The following MAPK1IP1L variants were observed in gnomAD, a reference collection of about 807,000 sequenced individuals.
MAPK1IP1L encodes MAPK-interacting and spindle-stabilizing protein-like.
MAPK1IP1L carries 10 observed loss-of-function variants against 18.1 expected under a neutral mutation model. That is an observed-to-expected ratio of 0.55 (90% CI 0.34 to 0.94). The LOEUF is 0.94. Among genes scored for constraint, MAPK1IP1L ranks in the 40% least tolerant of loss-of-function variants. The pLI, the probability that MAPK1IP1L is intolerant of heterozygous loss-of-function variation, is 0.02. For missense variants in MAPK1IP1L, 260 were observed against 318.2 expected (o/e 0.82, Z 1.39); for synonymous variants, 115 against 117.3 (o/e 0.98, Z 0.13).
intron 1 of MAPK1IP1L, among the ~76,000 whole-genome samples, chr14:55,053,851 C>G (rs2042749766): frequency 6.6e-6 from 1 of 152,236 alleles, no homozygotes; most frequent in Non-Finnish European, 1.5e-5. Context: ...AAGGCCAACA[C>G]ATTGTTTGGC....
intron 3 of MAPK1IP1L, among the ~76,000 whole-genome samples, chr14:55,064,208 G>A (rs900535736): frequency 6.6e-6 from 1 of 151,098 alleles, no homozygotes; most frequent in African/African-American, 2.4e-5. Context: ...TGGCCAGGCT[G>A]GTCTTGAACT....
At chr14:55,055,687 T>A (rs1179212140) in intron 1 of MAPK1IP1L, among the ~76,000 whole-genome samples, 2 of 152,158 alleles carry the variant, frequency 1.3e-5, no homozygotes, top group East Asian at 3.9e-4. Flanking sequence ...TCCCAGCACT[T>A]TGGGAGACTG....
At chr14:55,059,225 G>GAAAAAAAAA (rs3078612) in intron 1 of MAPK1IP1L, among the ~76,000 whole-genome samples, 109 of 63,234 alleles carry the variant, frequency 1.7e-3, no homozygotes, top group Middle Eastern at 0.01. Flanking sequence ...AGGAAAATCT[G>GAAAAAAAAA]AAAAAAAAAA....
intron 1 of MAPK1IP1L, among the ~76,000 whole-genome samples, chr14:55,057,231 CAG>C (rs768714961): frequency 3.0e-4 from 46 of 152,128 alleles, no homozygotes; most frequent in Admixed American, 1.3e-4. Context: ...AAGTGCAAAA[CAG>C]AAAAGATGCA....
intron 1 of MAPK1IP1L, among the ~76,000 whole-genome samples, chr14:55,054,240 C>T (rs1190362162): frequency 6.8e-6 from 1 of 146,172 alleles, no homozygotes; most frequent in African/African-American, 2.5e-5. Flanking sequence ...CAGGTTCCAG[C>T]GATTCTCCTG....
At position 55,068,278 on chromosome 14, in the gene MAPK1IP1L, T is replaced by G. The variant is rs1256416635; in HGVS notation, c.*3651T>G. The stretch of plus-strand genomic sequence containing the variant: ...TCAGTCCCACCACCACAATGGACTA[T>G]TGGGATATTTTCTAAAAAACCAATC... On this transcript the variant is annotated 3_prime_UTR_variant, in exon 4 of 4. Coordinates refer to ENST00000395468, the MANE Select transcript of MAPK1IP1L (RefSeq NM_144578.4). 1.3e-5 allele frequency: 2 copies of G among 152,638 alleles called. No individual in the cohort carries two copies. Among genetic ancestry groups the G allele is most frequent in the African/African-American group, 4.8e-5 (2 of 41,442 alleles). 9.5% of individuals were successfully genotyped at this position (152,638 alleles called of 1,614,324 possible).
chr14:55,063,380 A>AT, intron 3 of MAPK1IP1L, 55 bp downstream of exon 3: 1 of 1,424,522 alleles, frequency 7.0e-7, no homozygotes, highest in Non-Finnish European at 9.5e-7. Context: ...CACAACTGAC[A>AT]TTGTTTCTCC....
At position 55,067,941 on chromosome 14, in the gene MAPK1IP1L, C is replaced by T. The variant is rs2042877707; in HGVS notation, c.*3314C>T. 6.6e-6 allele frequency: 1 copy of T among 152,040 alleles called. No homozygotes were observed. Among genetic ancestry groups the T allele is most frequent in the Admixed American group, 6.5e-5 (1 of 15,268 alleles). The allele number at this position is 152,040 out of a possible 1,614,324, so 9.4% of individuals were successfully genotyped here. ...AAGCTTAGGTTTTGAAATGTTGAAA[C>T]CAAAAAGACAAAAATTAAAACATAG... On this transcript the variant is annotated 3_prime_UTR_variant, in exon 4 of 4. Transcript: ENST00000395468.
In MAPK1IP1L at chr14:55,064,695, A is replaced by G. The variant is rs1016103119; in HGVS notation, c.*68A>G. 26 of 1,513,082 alleles carry G rather than the reference A, an allele frequency of 1.7e-5. No individual in the cohort carries two copies. The African/African-American group carries it at 3.6e-4, about 21-fold the overall frequency. 93.7% of individuals were successfully genotyped at this position (1,513,082 alleles called of 1,614,324 possible). On this transcript the variant is annotated 3_prime_UTR_variant, in exon 4 of 4. Coordinates refer to ENST00000395468, the MANE Select transcript of MAPK1IP1L (RefSeq NM_144578.4). ...CATGTATATGCACATGAATGCATAT[A>G]TAAAAATTGCTGGTTTCACTATTAG...
Position 55,059,700 on chromosome 14 carries a change from T to C in MAPK1IP1L, c.-4-1980T>C, listed in dbSNP as rs1298627329. Among the ~76,000 whole-genome samples the C allele has an allele frequency of 6.6e-5, 10 of 152,244 alleles. No homozygotes were observed. In the South Asian group the frequency reaches 2.1e-3, roughly 31 times the overall value. ...CTGCTTCTCTCCTTGTCATTAGCTC[T>C]GGGACCTTAAACAAGTTAACTTGCC... is the stretch of plus-strand genomic sequence containing the variant. On this transcript the variant is annotated intron_variant, in intron 1 of 3. Transcript: ENST00000395468.
At chr14:55,053,983 T>C (rs958890483) in intron 1 of MAPK1IP1L, among the ~76,000 whole-genome samples, 1 of 152,114 alleles carries the variant, frequency 6.6e-6, no homozygotes, top group African/African-American at 2.4e-5. Flanking sequence ...ATTACACCAG[T>C]TGAGCATCCA....
Position 55,058,584 on chromosome 14 carries a change from A to C in MAPK1IP1L, c.-4-3096A>C, listed in dbSNP as rs560956926. 2.3e-3 allele frequency among the ~76,000 whole-genome samples: 344 copies of C among 152,314 alleles called. 2 individuals are homozygous for C. Among genetic ancestry groups the C allele is most frequent in the African/African-American group, 7.9e-3 (328 of 41,570 alleles). Reference sequence around the variant, plus strand: ...GGTGGCTCATGCCTGTAATCCCAGCACTTTGGGAGGCTGAGGCGGGCGGAT... The same window carrying C: ...GGTGGCTCATGCCTGTAATCCCAGCCCTTTGGGAGGCTGAGGCGGGCGGAT... On this transcript the variant is annotated intron_variant, in intron 1 of 3. Transcript: ENST00000395468.
Position 55,061,719 on chromosome 14 carries a change from T to C in MAPK1IP1L, c.18+18T>C. Reference sequence around the variant, plus strand: ...AATTTTCGGTAAGTTGATCAGTTTATCTGTGATAAGTTTTTCATCTCTTAA... The same window carrying C: ...AATTTTCGGTAAGTTGATCAGTTTACCTGTGATAAGTTTTTCATCTCTTAA... On this transcript the variant is annotated intron_variant, in intron 2 of 3. Transcript: ENST00000395468. 6.4e-7 allele frequency: 1 copy of C among 1,555,932 alleles called. No homozygotes were observed.
At chr14:55,061,851 TC>T (rs2042820346) in intron 2 of MAPK1IP1L, 150 bp downstream of exon 2, 1 of 595,932 alleles carries the variant, frequency 1.7e-6, no homozygotes, top group East Asian at 3.4e-5. Context: ...CTTGGGAGGA[TC>T]CCTTGACCCC....
chr14:55,056,068 G>C (rs556053145), intron 1 of MAPK1IP1L, among the ~76,000 whole-genome samples: 1 of 152,246 alleles, frequency 6.6e-6, no homozygotes, highest in East Asian at 1.9e-4. Context: ...ATGGAGAGCT[G>C]GTCACTTTAC....
chr14:55,060,896 G>T (rs976121498), intron 1 of MAPK1IP1L: 2 of 152,174 alleles, frequency 1.3e-5, no homozygotes, highest in Non-Finnish European at 2.9e-5. Context: ...CAATACTTTG[G>T]GAGGCTGAGG....
chr14:55,067,894 G>C lies in MAPK1IP1L; in HGVS notation c.*3267G>C, dbSNP rs1333444118. 1 of 152,210 alleles carries C rather than the reference G, an allele frequency of 6.6e-6. No individual in the cohort carries two copies. Among genetic ancestry groups the C allele is most frequent in the Non-Finnish European group, 1.5e-5 (1 of 68,044 alleles). 9.4% of individuals were successfully genotyped at this position (152,210 alleles called of 1,614,324 possible). A position where few individuals can be genotyped will look rare whatever the true frequency, so the allele number is the denominator to read the frequency against. On this transcript the variant is annotated 3_prime_UTR_variant, in exon 4 of 4. Transcript: ENST00000395468. The stretch of plus-strand genomic sequence containing the variant: ...TAATGGAAATAGTTGAGGTGTTCAG[G>C]AATGCTGTTTCTTGGAGTTGGAAGC...
intron 1 of MAPK1IP1L, among the ~76,000 whole-genome samples, chr14:55,059,224 T>TGAAAAAAAAAAAAAAAAAAAAAAAAA (rs2042795644): frequency 1.9e-5 from 1 of 52,382 alleles, no homozygotes. Context: ...TAGGAAAATC[T>TGAAAAAAAAAAAAAAAAAAAAAAAAA]GAAAAAAAAA....
At chr14:55,052,072 G>T (rs1453429190) in intron 1 of MAPK1IP1L, among the ~76,000 whole-genome samples, 1 of 152,106 alleles carries the variant, frequency 6.6e-6, no homozygotes, top group Admixed American at 6.5e-5. Context: ...GTTTCTGGGC[G>T]CCTGACGTCA....
Sources: allele counts gnomAD v4.1 joint callset (sites outside exome capture counted in the v4.1 genomes callset), GRCh38; gene constraint gnomAD v4.1.1; transcripts MANE v1.5; gene names NCBI Gene and HGNC (gene_info 2026-07-23, HGNC 2026-07-21).